The following DPYD variants were observed in gnomAD, a reference collection of about 807,000 sequenced individuals.
DPYD encodes dihydropyrimidine dehydrogenase.
Under a neutral mutation model 116.2 loss-of-function variants are expected in DPYD, and 109 were observed. The ratio of observed to expected loss-of-function variants is 0.94; its 90% CI spans 0.80 to 1.10. The LOEUF (loss-of-function observed/expected upper bound fraction) is 1.10. Ranked by LOEUF, DPYD falls within the 50% of genes least tolerant of loss-of-function variation. The probability of loss-of-function intolerance (pLI) is 0.00; values close to 1 mark genes in which losing one functional copy is unlikely to be tolerated. For missense variants in DPYD, 1,302 were observed against 1,254.5 expected (o/e 1.04, Z -0.57); for synonymous variants, 440 against 432.0 (o/e 1.02, Z -0.23).
intron 12 of DPYD, among the ~76,000 whole-genome samples, chr1:97,519,490 A>G (rs942292234): frequency 1.3e-5 from 2 of 152,144 alleles, no homozygotes; most frequent in African/African-American, 2.4e-5. Flanking sequence ...CAGTCAAACC[A>G]TATCATCCTG....
chr1:97,251,041 T>C (rs1663049710), intron 18 of DPYD, among the ~76,000 whole-genome samples: 1 of 152,138 alleles, frequency 6.6e-6, no homozygotes, highest in African/African-American at 2.4e-5. Flanking sequence ...CTTTTGATGG[T>C]CAGAATCTTT....
intron 3 of DPYD, among the ~76,000 whole-genome samples, chr1:97,743,575 G>A (rs4970716): frequency 0.042 from 6,341 of 152,148 alleles, 261 homozygotes; most frequent in Admixed American, 0.12. Flanking sequence ...ATATTACAGA[G>A]TGCATTTACT....
intron 3 of DPYD, among the ~76,000 whole-genome samples, chr1:97,760,021 T>C (rs538896708): frequency 6.6e-6 from 1 of 152,270 alleles, no homozygotes; most frequent in African/African-American, 2.4e-5. Flanking sequence ...GCTTTTGGGA[T>C]GAATCTTAAA....
chr1:97,871,472 A>G (rs2101617241), intron 2 of DPYD, among the ~76,000 whole-genome samples: 1 of 151,888 alleles, frequency 6.6e-6, no homozygotes, highest in African/African-American at 2.4e-5. Flanking sequence ...AGCTCACACA[A>G]GAGAGCTTCG....
intron 14 of DPYD, among the ~76,000 whole-genome samples, chr1:97,395,142 G>T (rs1399325097): frequency 6.6e-6 from 1 of 150,788 alleles, no homozygotes; most frequent in Non-Finnish European, 1.5e-5. Flanking sequence ...GCATTTTTCT[G>T]CTATGACATG....
chr1:97,552,635 A>G (rs1553194216), intron 11 of DPYD, among the ~76,000 whole-genome samples: 5 of 152,008 alleles, frequency 3.3e-5, no homozygotes, highest in Admixed American at 6.6e-5. Flanking sequence ...TATTTGATTT[A>G]TTTATTCTGT....
rs1400141766 is a variant in DPYD at position 97,323,362 on chromosome 1, G to GTATATATACA, written c.2059-17066_2059-17065insTGTATATATA. Reference sequence around the variant, plus strand: ...TATATATACATGTGTATATGTACACGTATGTATACATGTGTATATGTACAC... The same window carrying GTATATATACA: ...TATATATACATGTGTATATGTACACGTATATATACATATGTATACATGTGTATATGTACAC... On this transcript the variant is annotated intron_variant, in intron 16 of 22. Coordinates refer to ENST00000370192, the MANE Select transcript of DPYD (RefSeq NM_000110.4). Among the ~76,000 whole-genome samples the GTATATATACA allele has an allele frequency of 8.1e-5, 9 of 111,434 alleles. No homozygotes were observed. In the East Asian group the frequency reaches 8.8e-4, roughly 11 times the overall value. The allele number at this position is 111,434 out of a possible 152,430, so 73.1% of individuals were successfully genotyped here.
In DPYD at chr1:97,473,727, C is replaced by T. The variant is rs76248914; in HGVS notation, c.1741-23504G>A. Among the ~76,000 whole-genome samples, 677 of 152,216 alleles carry T rather than the reference C, an allele frequency of 4.4e-3. 7 individuals carry two copies. Among genetic ancestry groups the T allele is most frequent in the African/African-American group, 0.015 (638 of 41,518 alleles). Reference sequence around the variant, plus strand: ...TAGCTATTATTGAAAACAGTATGTGCCAGGCACAGTGGCTCACACTTGTAA... The same window carrying T: ...TAGCTATTATTGAAAACAGTATGTGTCAGGCACAGTGGCTCACACTTGTAA... On this transcript the variant is annotated intron_variant, in intron 13 of 22. Coordinates refer to ENST00000370192, the MANE Select transcript of DPYD (RefSeq NM_000110.4).
intron 12 of DPYD, among the ~76,000 whole-genome samples, chr1:97,536,598 T>C (rs1650017279): frequency 6.6e-6 from 1 of 152,222 alleles, no homozygotes; most frequent in South Asian, 2.1e-4. Context: ...TTTTATTCTT[T>C]AAGTGCAAGA....
At chr1:97,374,070 T>G (rs1246810053) in intron 15 of DPYD, among the ~76,000 whole-genome samples, 3 of 152,232 alleles carry the variant, frequency 2.0e-5, no homozygotes, top group Non-Finnish European at 2.9e-5. Flanking sequence ...ATAGCTTCTA[T>G]TTTTATGGAC....
intron 3 of DPYD, among the ~76,000 whole-genome samples, chr1:97,805,799 A>G (rs1227074454): frequency 3.3e-5 from 5 of 151,868 alleles, no homozygotes; most frequent in Non-Finnish European, 2.9e-5. Flanking sequence ...GAGGGGTGTT[A>G]TAATTGGAAA....
intron 16 of DPYD, chr1:97,322,777 T>C (rs1387784873): frequency 6.6e-6 from 1 of 151,814 alleles, no homozygotes; most frequent in Non-Finnish European, 1.5e-5. Flanking sequence ...CATGGAAAAA[T>C]AAAAAAGTAA....
At chr1:97,807,792 CATTTT>C (rs1668143341) in intron 3 of DPYD, among the ~76,000 whole-genome samples, 1 of 152,026 alleles carries the variant, frequency 6.6e-6, no homozygotes, top group African/African-American at 2.4e-5. Flanking sequence ...TTCTACACTT[CATTTT>C]GAGTTAATGT....
chr1:97,266,200 CCTTT>C (rs749112994), intron 18 of DPYD, among the ~76,000 whole-genome samples: 1 of 152,032 alleles, frequency 6.6e-6, no homozygotes, highest in Non-Finnish European at 1.5e-5. Flanking sequence ...GTCATTTGTT[CCTTT>C]GAGTTCAGAA....
chr1:97,116,702 A>G (rs555412919), intron 20 of DPYD, among the ~76,000 whole-genome samples: 92 of 152,180 alleles, frequency 6.0e-4, no homozygotes, highest in African/African-American at 2.1e-3. Context: ...AGATACAAAT[A>G]TATAAATATA....
intron 4 of DPYD, among the ~76,000 whole-genome samples, chr1:97,738,146 A>T (rs1664067100): frequency 1.3e-5 from 2 of 152,320 alleles, no homozygotes; most frequent in South Asian, 4.1e-4. Flanking sequence ...TAAAACAGCC[A>T]TTTATTTCAC....
chr1:97,461,731 C>CCATAAAGAT (rs1467440056), intron 13 of DPYD, among the ~76,000 whole-genome samples: 2 of 152,110 alleles, frequency 1.3e-5, no homozygotes, highest in African/African-American at 4.8e-5. Context: ...ATATATTAGG[C>CCATAAAGAT]CATAAAGATG....
intron 1 of DPYD, among the ~76,000 whole-genome samples, chr1:97,894,483 G>A (rs1158606292): frequency 3.3e-5 from 5 of 151,702 alleles, no homozygotes; most frequent in African/African-American, 4.8e-5. Context: ...TAGCCTAAGA[G>A]TTCAAATGGT....
At chr1:97,820,214 T>C (rs569015443) in intron 3 of DPYD, among the ~76,000 whole-genome samples, 1 of 152,204 alleles carries the variant, frequency 6.6e-6, no homozygotes, top group Admixed American at 6.5e-5. Flanking sequence ...ACACAACCCT[T>C]AGGTCAGATG....
Sources: gnomAD v4.1 joint callset for allele counts (sites outside exome capture counted in the v4.1 genomes callset) on GRCh38, gnomAD v4.1.1 for gene constraint, MANE v1.5 for transcripts, NCBI Gene and HGNC (gene_info 2026-07-23, HGNC 2026-07-21) for gene names.